Variants in DIP2C observed in about 807,000 individuals in gnomAD.
DIP2C encodes disco-interacting protein 2 homolog C.
Under a neutral mutation model 192.4 loss-of-function variants are expected in DIP2C, and 33 were observed. The ratio of observed to expected loss-of-function variants is 0.17; its 90% CI spans 0.13 to 0.23. DIP2C has a LOEUF of 0.23. Among genes scored for constraint, DIP2C ranks in the 10% least tolerant of loss-of-function variants. The probability of loss-of-function intolerance (pLI) is 1.00; values close to 1 mark genes in which losing one functional copy is unlikely to be tolerated. For missense variants in DIP2C, 1,537 were observed against 2,110.1 expected, an observed-to-expected ratio of 0.73 and a Z score of 5.32; for synonymous variants, 979 against 864.1, an observed-to-expected ratio of 1.13 and a Z score of -2.33.
In DIP2C at chr10:417,629, A is replaced by G. The variant is rs1450510134; in HGVS notation, c.739+1436T>C. On this transcript the variant is annotated intron_variant, in intron 6 of 36. Coordinates refer to ENST00000280886, the MANE Select transcript of DIP2C (RefSeq NM_014974.3). ...GCATCCCTGTCTGCCTGCGCCTGTC[A>G]GGGCTCGGATAGGCCTCCCTGTCCA... 4.2e-4 allele frequency among the ~76,000 whole-genome samples: 8 copies of G among 19,068 alleles called. 1 individual carries two copies. The East Asian group carries it at 0.012, about 28-fold the overall frequency. 12.5% of individuals were successfully genotyped at this position (19,068 alleles called of 152,430 possible). A position where few individuals can be genotyped will look rare whatever the true frequency, so the allele number is the denominator to read the frequency against.
intron 1 of DIP2C, among the ~76,000 whole-genome samples, chr10:572,819 C>T (rs868082635): frequency 4.6e-5 from 7 of 152,136 alleles, no homozygotes; most frequent in Non-Finnish European, 8.8e-5. Flanking sequence ...CCTCAGTCTC[C>T]CTCCCCTCAA....
At chr10:479,328 C>CTTTTTTT (rs766379689) in intron 2 of DIP2C, among the ~76,000 whole-genome samples, 2 of 88,458 alleles carry the variant, frequency 2.3e-5, no homozygotes, top group African/African-American at 4.4e-5. Context: ...TCTCACACTG[C>CTTTTTTT]TTTTTTTTTT....
intron 32 of DIP2C, among the ~76,000 whole-genome samples, chr10:300,020 G>C (rs1955944202): frequency 6.6e-6 from 1 of 152,162 alleles, no homozygotes; most frequent in African/African-American, 2.4e-5. Flanking sequence ...ACCTACTGTT[G>C]GTGAGCACAC....
intron 2 of DIP2C, chr10:484,871 G>A: frequency 6.2e-7 from 1 of 1,611,722 alleles, no homozygotes; most frequent in Non-Finnish European, 8.5e-7. Context: ...ACCCCGATGT[G>A]GGCAGAGCGG....
intron 1 of DIP2C, among the ~76,000 whole-genome samples, chr10:498,822 G>C (rs933816806): frequency 6.6e-6 from 1 of 152,162 alleles, no homozygotes; most frequent in Non-Finnish European, 1.5e-5. Flanking sequence ...ACTGCTGTGT[G>C]GGCGAATTAA....
intron 1 of DIP2C, among the ~76,000 whole-genome samples, chr10:580,718 C>G (rs1417627191): frequency 2.6e-5 from 4 of 152,156 alleles, no homozygotes; most frequent in Admixed American, 1.3e-4. Context: ...AGAAAGGCTT[C>G]CAGTTCCACA....
At position 422,934 on chromosome 10, in the gene DIP2C, C is replaced by T. The variant is rs1419231188; in HGVS notation, c.494G>A (p.Ser165Asn). 6.2e-7 allele frequency: 1 copy of T among 1,614,138 alleles called. No individual in the cohort carries two copies. Among genetic ancestry groups the T allele is most frequent in the Non-Finnish European group, 8.5e-7 (1 of 1,180,036 alleles). Reference sequence around the variant, plus strand: ...CGTGGTGGAGCCGTGGATGGCCTGGCTGATCCAGTGCTCCATATTGATGCT... The same window carrying T: ...CGTGGTGGAGCCGTGGATGGCCTGGTTGATCCAGTGCTCCATATTGATGCT... The part of the protein sequence containing the change: ...QGSINMEHWI[S>N]QAIHGSTTST... Residue 165 changes from serine (S) to asparagine (N), a missense_variant, in exon 5 of 37, where the codon AGC (serine) becomes AAC (asparagine). Ser to Asn is a conservative substitution (Grantham distance 46). Transcript: ENST00000280886.
intron 3 of DIP2C, among the ~76,000 whole-genome samples, chr10:456,979 A>T (rs1311602175): frequency 1.3e-5 from 2 of 152,074 alleles, no homozygotes; most frequent in African/African-American, 2.4e-5. Context: ...AACATACTTC[A>T]TTTCTCTTAC....
intron 1 of DIP2C, among the ~76,000 whole-genome samples, chr10:632,037 C>T (rs1854548938): frequency 6.6e-6 from 1 of 152,124 alleles, no homozygotes; most frequent in Non-Finnish European, 1.5e-5. Context: ...TGCCAGGGAA[C>T]AGAGTTGAGA....
chr10:416,095 T>A (rs1195371985), intron 6 of DIP2C, among the ~76,000 whole-genome samples: 2 of 151,826 alleles, frequency 1.3e-5, no homozygotes, highest in Non-Finnish European at 2.9e-5. Flanking sequence ...CGGACCCGAA[T>A]GTCTACCACG....
intron 1 of DIP2C, among the ~76,000 whole-genome samples, chr10:566,337 C>T (rs1222797040): frequency 3.3e-5 from 5 of 152,164 alleles, no homozygotes; most frequent in African/African-American, 1.2e-4. Context: ...GCGGGGTAAC[C>T]GCACCAGGCC....
intron 1 of DIP2C, among the ~76,000 whole-genome samples, chr10:503,347 C>G (rs1387531711): frequency 6.6e-6 from 1 of 152,154 alleles, no homozygotes; most frequent in African/African-American, 2.4e-5. Flanking sequence ...TAAAAACTGG[C>G]AAAGATCGAA....
At chr10:631,561 GT>G (rs954266622) in intron 1 of DIP2C, among the ~76,000 whole-genome samples, 7 of 149,832 alleles carry the variant, frequency 4.7e-5, no homozygotes, top group African/African-American at 9.8e-5. Flanking sequence ...CTCTTAACAT[GT>G]TTTTTTTTTA....
At chr10:497,933 G>A (rs1183617210) in intron 1 of DIP2C, among the ~76,000 whole-genome samples, 1 of 152,186 alleles carries the variant, frequency 6.6e-6, no homozygotes, top group Non-Finnish European at 1.5e-5. Flanking sequence ...GTGCAGTGGT[G>A]CAGTCACAGC....
At chr10:317,246 T>C (rs1956814000) in intron 31 of DIP2C, among the ~76,000 whole-genome samples, 1 of 152,238 alleles carries the variant, frequency 6.6e-6, no homozygotes, top group Admixed American at 6.5e-5. Context: ...CAGTGTGAAC[T>C]CAGCTCAGGC....
chr10:615,110 C>G (rs1020784702), intron 1 of DIP2C, among the ~76,000 whole-genome samples: 1 of 152,212 alleles, frequency 6.6e-6, no homozygotes, highest in South Asian at 2.1e-4. Flanking sequence ...ATTAAGGAAG[C>G]AATTCCCGTG....
Position 651,143 on chromosome 10 carries a change from G to T in DIP2C, c.85+38351C>A, listed in dbSNP as rs370122680. On this transcript the variant is annotated intron_variant, in intron 1 of 36. Transcript: ENST00000280886. The surrounding 1 kb of genome is among the most constrained non-coding windows in gnomAD (Gnocchi z 4.1). ...CACACTCAGTCAATGTCCACTGGGG[G>T]CCTCAGGGGCACCTCCACCTGCCCA... The T allele has an allele frequency of 1.4e-6, 1 of 717,494 alleles. No individual in the cohort carries two copies. The allele number at this position is 717,494 out of a possible 1,614,324, so 44.4% of individuals were successfully genotyped here.
chr10:654,561 A>G (rs1856162428), intron 1 of DIP2C, among the ~76,000 whole-genome samples: 2 of 152,188 alleles, frequency 1.3e-5, no homozygotes. Flanking sequence ...TTTACAGAAA[A>G]CATCTCATTT....
In DIP2C at chr10:689,552, C is replaced by T; in HGVS notation, c.27G>A (p.Met9Ile). MADRSLEG[M>I]ALPLEVRARL... is the part of the protein sequence containing the mutation. ...GCGCCCGCACCTCCAGGGGCAGCGC[C>T]ATGCCCTCCAGGCTGCGGTCCGCCA... Residue 9 changes from methionine (M) to isoleucine (I), a missense_variant, in exon 1 of 37, where the codon ATG becomes ATA. By Grantham distance (10) the Met-to-Ile change is conservative (BLOSUM62 1). Coordinates refer to ENST00000280886, the MANE Select transcript of DIP2C (RefSeq NM_014974.3). The surrounding 1 kb of genome is among the most constrained non-coding windows in gnomAD (Gnocchi z 6.1). The T allele has an allele frequency of 7.8e-7, 1 of 1,277,454 alleles. No homozygotes were observed. Among genetic ancestry groups the T allele is most frequent in the Non-Finnish European group, 1.0e-6 (1 of 995,134 alleles). 79.1% of individuals were successfully genotyped at this position (1,277,454 alleles called of 1,614,324 possible).
Sources: allele counts gnomAD v4.1 joint callset (sites outside exome capture counted in the v4.1 genomes callset), GRCh38; gene constraint gnomAD v4.1.1; non-coding constraint Gnocchi (gnomAD v3.1); transcripts MANE v1.5; gene names NCBI Gene and HGNC (gene_info 2026-07-23, HGNC 2026-07-21).